PCDHA1: variants seen among roughly 807,000 people sequenced by gnomAD.
The protein encoded by PCDHA1 is protocadherin alpha 1.
In PCDHA1, 42 loss-of-function variants were observed where a neutral mutation model predicts 61.3. That is an observed-to-expected ratio of 0.69 (90% confidence interval 0.54 to 0.89). The LOEUF (loss-of-function observed/expected upper bound fraction) is 0.89, where lower values mean the gene tolerates loss of function less well. PCDHA1 is among the 40% of genes least tolerant of loss of function. The pLI is 0.00. For synonymous variants in PCDHA1, 610 were observed against 553.8 expected, an observed-to-expected ratio of 1.10 and a Z score of -1.43; for missense variants, 1,256 against 1,235.3, an observed-to-expected ratio of 1.02 and a Z score of -0.25.
intron 1 of PCDHA1, chr5:140,928,025 G>T: frequency 6.2e-7 from 1 of 1,614,148 alleles, no homozygotes; most frequent in South Asian, 1.1e-5. Flanking sequence ...GTCATTTGTG[G>T]CATGTCTAGT....
At chr5:140,883,365 G>A in intron 1 of PCDHA1, 1 of 1,614,148 alleles carries the variant, frequency 6.2e-7, no homozygotes, top group Non-Finnish European at 8.5e-7. Context: ...ACTCAGCCTA[G>A]CGCCATTATT....
At chr5:140,862,441 T>A (rs1429423701) in intron 1 of PCDHA1, 1 of 358,060 alleles carries the variant, frequency 2.8e-6, no homozygotes, top group Non-Finnish European at 5.5e-6. Context: ...TCGTTGGTAC[T>A]CCACAGCGCC....
In PCDHA1 at chr5:140,802,937, G is replaced by T. The variant is rs782125982; in HGVS notation, c.2394+14253G>T. The T allele has an allele frequency of 2.5e-6, 4 of 1,613,728 alleles. No individual in the cohort carries two copies. The Admixed American group carries it at 5.0e-5, about 20-fold the overall frequency. On this transcript the variant is annotated intron_variant, in intron 1 of 3. Coordinates refer to ENST00000504120, the MANE Select transcript of PCDHA1 (RefSeq NM_018900.4). The stretch of plus-strand genomic sequence containing the variant: ...GCATCGGTGGCGCAGTGAGCGAGCT[G>T]GTGCCGCGGTCAGTGGGTGCGGGCC...
chr5:140,953,938 C>T (rs1349031672), intron 1 of PCDHA1, among the ~76,000 whole-genome samples: 1 of 152,088 alleles, frequency 6.6e-6, no homozygotes, highest in African/African-American at 2.4e-5. Context: ...CTCTCCCTCC[C>T]ATTGCTCCCC....
rs782363185 is a variant in PCDHA1, at chr5:140,796,140, C to T, written c.2394+7456C>T. ...ATGTCACCTGCTCCCTGACGCCCCA[C>T]GTCCCTTTCAAGCTGGTGTCCACCT... is the stretch of plus-strand genomic sequence containing the variant. On this transcript the variant is annotated intron_variant, in intron 1 of 3. Coordinates refer to ENST00000504120, the MANE Select transcript of PCDHA1 (RefSeq NM_018900.4). 5 of 1,614,232 alleles carry T rather than the reference C, an allele frequency of 3.1e-6. No homozygotes were observed. In the East Asian group the frequency reaches 8.9e-5, roughly 29 times the overall value.
At chr5:140,885,107 T>G (rs2060471687) in intron 1 of PCDHA1, among the ~76,000 whole-genome samples, 1 of 152,238 alleles carries the variant, frequency 6.6e-6, no homozygotes, top group African/African-American at 2.4e-5. Context: ...TAAATGCTTT[T>G]TTTAAGTGCA....
In PCDHA1 at chr5:140,788,238, C is replaced by A; in HGVS notation, c.1948C>A (p.Leu650Ile). ...ADLSRYRLLV[L>I]VKDHGEPALT... Reference sequence around the variant, plus strand: ...CTTGTCGCGCTACCGCCTTCTGGTGCTAGTGAAGGATCACGGTGAGCCGGC... The same window carrying A: ...CTTGTCGCGCTACCGCCTTCTGGTGATAGTGAAGGATCACGGTGAGCCGGC... Residue 650 changes from leucine (L) to isoleucine (I), a missense_variant, in exon 1 of 4, where the codon CTA becomes ATA. Leu to Ile is a conservative substitution (Grantham distance 5). Coordinates refer to ENST00000504120, the MANE Select transcript of PCDHA1 (RefSeq NM_018900.4). The A allele has an allele frequency of 2.5e-6, 4 of 1,614,056 alleles. No homozygotes were observed. Among genetic ancestry groups the A allele is most frequent in the Non-Finnish European group, 3.4e-6 (4 of 1,179,952 alleles).
At chr5:140,965,288 T>C (rs1020237812) in intron 1 of PCDHA1, among the ~76,000 whole-genome samples, 5 of 152,216 alleles carry the variant, frequency 3.3e-5, no homozygotes, top group Non-Finnish European at 7.3e-5. Flanking sequence ...CATGGAAAGA[T>C]TTCCTCTGAT....
intron 3 of PCDHA1, among the ~76,000 whole-genome samples, chr5:140,990,073 GA>G (rs1319076601): frequency 2.6e-5 from 4 of 152,060 alleles, no homozygotes; most frequent in Non-Finnish European, 5.9e-5. Context: ...AAATAAGGGG[GA>G]CAAAGGATGC....
At chr5:140,984,945 C>A (rs1316955910) in intron 3 of PCDHA1, among the ~76,000 whole-genome samples, 1 of 149,212 alleles carries the variant, frequency 6.7e-6, no homozygotes, top group Non-Finnish European at 1.5e-5. Flanking sequence ...AATGTCTAAT[C>A]TTTTTTTTTT....
chr5:140,863,356 CGGT>C, intron 1 of PCDHA1: 1 of 1,255,142 alleles, frequency 8.0e-7, no homozygotes, highest in Non-Finnish European at 1.1e-6. Flanking sequence ...CACGACGCTG[CGGT>C]GCTTGGCGCA....
intron 1 of PCDHA1, chr5:140,927,096 G>A (rs1554204014): frequency 1.2e-6 from 2 of 1,612,778 alleles, no homozygotes; most frequent in Admixed American, 1.7e-5. Context: ...ACTTCGGGGT[G>A]GATCTACCCA....
At chr5:140,877,864 A>ATATT in intron 1 of PCDHA1, 1 of 1,500,280 alleles carries the variant, frequency 6.7e-7, no homozygotes, top group East Asian at 2.4e-5. Flanking sequence ...TTATTTAGAT[A>ATATT]TATTTGTTTC....
chr5:140,965,676 G>A (rs906070464), intron 1 of PCDHA1, among the ~76,000 whole-genome samples: 1 of 152,132 alleles, frequency 6.6e-6, no homozygotes, highest in African/African-American at 2.4e-5. Flanking sequence ...AAATGTAAAA[G>A]ATTTGAAGCA....
chr5:140,837,608 A>G (rs1775145322), intron 1 of PCDHA1, among the ~76,000 whole-genome samples: 1 of 151,396 alleles, frequency 6.6e-6, no homozygotes. Flanking sequence ...TATATTTTAT[A>G]ATTTGCCCCT....
intron 1 of PCDHA1, chr5:140,836,467 A>C (rs1271601760): frequency 6.2e-7 from 1 of 1,613,688 alleles, no homozygotes; most frequent in Non-Finnish European, 8.5e-7. Context: ...GAGCTGGTGG[A>C]TGTCAACGTG....
At chr5:140,809,162 C>T in intron 1 of PCDHA1, 1 of 1,614,004 alleles carries the variant, frequency 6.2e-7, no homozygotes. Context: ...CGAGCCCGCG[C>T]TGACGGCCAC....
intron 1 of PCDHA1, among the ~76,000 whole-genome samples, chr5:140,794,316 A>C (rs1562148178): frequency 1.3e-5 from 2 of 152,252 alleles, no homozygotes; most frequent in Admixed American, 6.5e-5. Flanking sequence ...TAAAAAGGAA[A>C]TAAATCTTGT....
chr5:140,898,056 T>A (rs1330796298), intron 1 of PCDHA1, among the ~76,000 whole-genome samples: 5 of 152,202 alleles, frequency 3.3e-5, no homozygotes, highest in Admixed American at 3.3e-4. Context: ...TTCTTGTAAA[T>A]TTGTTTGAGT....
Sources: allele counts gnomAD v4.1 joint callset (sites outside exome capture counted in the v4.1 genomes callset), GRCh38; gene constraint gnomAD v4.1.1; transcripts MANE v1.5; gene names NCBI Gene and HGNC (gene_info 2026-07-23, HGNC 2026-07-21).